Variants in PRKCA observed in about 807,000 individuals in gnomAD.
PRKCA encodes protein kinase C alpha type.
Under a neutral mutation model 87.0 loss-of-function variants are expected in PRKCA, and 27 were observed. The observed-to-expected ratio is 0.31, with a 90% CI of 0.23 to 0.43. The LOEUF is 0.43. PRKCA is among the 20% of genes least tolerant of loss of function. PRKCA has a pLI of 1.00. For missense variants in PRKCA, 518 were observed against 852.3 expected (o/e 0.61, Z 4.88); for synonymous variants, 329 against 311.1 (o/e 1.06, Z -0.61).
intron 3 of PRKCA, among the ~76,000 whole-genome samples, chr17:66,554,323 G>C (rs567997313): frequency 1.4e-4 from 21 of 152,048 alleles, no homozygotes; most frequent in Non-Finnish European, 2.6e-4. Context: ...GTGTGAACTT[G>C]TCCCAGTGGA....
chr17:66,310,750 C>T (rs1905049934), intron 2 of PRKCA, among the ~76,000 whole-genome samples: 1 of 152,142 alleles, frequency 6.6e-6, no homozygotes, highest in South Asian at 2.1e-4. Flanking sequence ...GGAAGGTGGC[C>T]TTTAAACAGA....
rs149412737 is a variant in PRKCA at position 66,473,820 on chromosome 17, G to C, written c.206-22381G>C. On this transcript the variant is annotated intron_variant, in intron 2 of 16. Coordinates refer to ENST00000413366, the MANE Select transcript of PRKCA (RefSeq NM_002737.3). ...ATGGTGGCACATGCCTGTAATCCTAGCTACTCGGGAGGCTGAGGCAGGAGA... is the reference window on the plus strand; with the variant it reads ...ATGGTGGCACATGCCTGTAATCCTACCTACTCGGGAGGCTGAGGCAGGAGA... Among the ~76,000 whole-genome samples the C allele has an allele frequency of 2.6e-4, 40 of 152,218 alleles. No homozygotes were observed. The East Asian group carries it at 6.4e-3, about 24-fold the overall frequency.
intron 3 of PRKCA, among the ~76,000 whole-genome samples, chr17:66,592,600 G>A (rs548786680): frequency 1.3e-4 from 20 of 152,246 alleles, no homozygotes; most frequent in Admixed American, 9.2e-4. Context: ...TCTGAGTGGC[G>A]TGGTAGATCA....
chr17:66,630,992 G>A (rs1286121676), intron 3 of PRKCA, among the ~76,000 whole-genome samples: 1 of 152,164 alleles, frequency 6.6e-6, no homozygotes, highest in African/African-American at 2.4e-5. Context: ...GCTTTGGCCA[G>A]TGACATGCAA....
At chr17:66,325,112 A>C (rs1195332522) in intron 2 of PRKCA, among the ~76,000 whole-genome samples, 1 of 152,210 alleles carries the variant, frequency 6.6e-6, no homozygotes, top group Non-Finnish European at 1.5e-5. Context: ...TGCCAGTAAA[A>C]ATTTTTCCTA....
At chr17:66,466,101 T>C (rs1915075056) in intron 2 of PRKCA, among the ~76,000 whole-genome samples, 1 of 152,232 alleles carries the variant, frequency 6.6e-6, no homozygotes, top group African/African-American at 2.4e-5. Context: ...AGCTGTTTTG[T>C]TACATAGCTG....
intron 2 of PRKCA, among the ~76,000 whole-genome samples, chr17:66,439,280 A>T (rs971837298): frequency 1.3e-5 from 2 of 152,080 alleles, no homozygotes; most frequent in African/African-American, 4.8e-5. Flanking sequence ...TCCCAGGTTC[A>T]AGTGACTCTT....
At chr17:66,424,744 C>G (rs1291166428) in intron 2 of PRKCA, among the ~76,000 whole-genome samples, 2 of 151,618 alleles carry the variant, frequency 1.3e-5, no homozygotes, top group East Asian at 3.9e-4. Context: ...GTGCTGTTCC[C>G]CCCACCCCCA....
chr17:66,552,614 T>A (rs1968373200), intron 3 of PRKCA, among the ~76,000 whole-genome samples: 1 of 152,352 alleles, frequency 6.6e-6, no homozygotes, highest in South Asian at 2.1e-4. Flanking sequence ...ATGGGCTCCT[T>A]GCTTCCTAAA....
At chr17:66,407,475 C>G (rs1911485188) in intron 2 of PRKCA, among the ~76,000 whole-genome samples, 1 of 152,098 alleles carries the variant, frequency 6.6e-6, no homozygotes, top group South Asian at 2.1e-4. Context: ...AGCCACTGTG[C>G]TTCCTGGACA....
At position 66,781,887 on chromosome 17, in the gene PRKCA, A is replaced by AGTGT. The variant is rs749824745; in HGVS notation, c.1606-4952_1606-4949dup. The stretch of plus-strand genomic sequence containing the variant: ...GAGAGAGATATATATATATATATAT[A>AGTGT]GTGTGTGTGTGTGTGTGTGTGTGTG... On this transcript the variant is annotated intron_variant, in intron 14 of 16. Transcript: ENST00000413366. Among the ~76,000 whole-genome samples the AGTGT allele has an allele frequency of 7.0e-3, 873 of 125,546 alleles. 9 individuals are homozygous for AGTGT. The highest frequency in any genetic ancestry group is 0.043 in the East Asian group (188 of 4,400). 82.4% of individuals were successfully genotyped at this position (125,546 alleles called of 152,430 possible). A position where few individuals can be genotyped will look rare whatever the true frequency, so the allele number is the denominator to read the frequency against.
chr17:66,743,621 T>C (rs1395763884), intron 13 of PRKCA, among the ~76,000 whole-genome samples: 4 of 152,180 alleles, frequency 2.6e-5, no homozygotes, highest in African/African-American at 9.7e-5. Flanking sequence ...TAGAATGGGT[T>C]GTCACTGTAG....
chr17:66,473,869 G>A (rs1210203790), intron 2 of PRKCA, among the ~76,000 whole-genome samples: 1 of 152,082 alleles, frequency 6.6e-6, no homozygotes, highest in African/African-American at 2.4e-5. Context: ...GGAAGGCAGA[G>A]GTTGCGGTGA....
chr17:66,429,028 G>C (rs1912963449), intron 2 of PRKCA, among the ~76,000 whole-genome samples: 1 of 152,082 alleles, frequency 6.6e-6, no homozygotes, highest in Non-Finnish European at 1.5e-5. Flanking sequence ...ATCTTTGGGG[G>C]TGATAAAGAA....
At chr17:66,767,414 T>C (rs1974835387) in intron 13 of PRKCA, among the ~76,000 whole-genome samples, 1 of 152,196 alleles carries the variant, frequency 6.6e-6, no homozygotes, top group Non-Finnish European at 1.5e-5. Flanking sequence ...ACAAGATGTG[T>C]GTAGTGGGTA....
chr17:66,726,751 G>T (rs1567998432), intron 8 of PRKCA, among the ~76,000 whole-genome samples: 2 of 151,408 alleles, frequency 1.3e-5, no homozygotes, highest in African/African-American at 4.9e-5. Context: ...TCGAGACAGG[G>T]TCTCACTCTA....
intron 3 of PRKCA, among the ~76,000 whole-genome samples, chr17:66,616,844 G>C (rs1970531354): frequency 6.6e-6 from 1 of 151,978 alleles, no homozygotes. Context: ...GGGAGAGGGG[G>C]CTGGGGCCAG....
chr17:66,374,357 C>T (rs1201390606), intron 2 of PRKCA, among the ~76,000 whole-genome samples: 6 of 152,192 alleles, frequency 3.9e-5, no homozygotes, highest in South Asian at 2.1e-4. Context: ...TGGGGTGTTC[C>T]GCCTCCTAAG....
chr17:66,765,318 C>T (rs1974773179), intron 13 of PRKCA, among the ~76,000 whole-genome samples: 1 of 149,878 alleles, frequency 6.7e-6, no homozygotes, highest in Non-Finnish European at 1.5e-5. Context: ...GAGACTGAGG[C>T]GGGAGAATCG....
Sources: gnomAD v4.1 joint callset for allele counts (sites outside exome capture counted in the v4.1 genomes callset) on GRCh38, gnomAD v4.1.1 for gene constraint, MANE v1.5 for transcripts, NCBI Gene and HGNC (gene_info 2026-07-23, HGNC 2026-07-21) for gene names.